Variants in EFCAB7 observed in about 807,000 individuals in gnomAD.
The protein encoded by EFCAB7 is EF-hand calcium-binding domain-containing protein 7.
Under a neutral mutation model 77.1 loss-of-function variants are expected in EFCAB7, and 66 were observed. The ratio of observed to expected loss-of-function variants is 0.86; its 90% CI spans 0.70 to 1.05. EFCAB7 has a LOEUF of 1.05. EFCAB7 is among the 50% of genes least tolerant of loss of function. The pLI is 0.00. For synonymous variants in EFCAB7, 225 were observed against 243.3 expected (o/e 0.92, Z 0.70); for missense variants, 638 against 730.5 (o/e 0.87, Z 1.46).
the EFCAB7 span, among the ~76,000 whole-genome samples, chr1:63,581,668 CT>C: frequency 1.3e-5 from 2 of 152,000 alleles, no homozygotes; most frequent in Non-Finnish European, 2.9e-5. Context: ...CATGGGTCCA[CT>C]TATATGTGGA....
At chr1:63,525,952 A>G (rs1242124324) in intron 2 of EFCAB7, among the ~76,000 whole-genome samples, 193 bp downstream of exon 2, 1 of 152,204 alleles carries the variant, frequency 6.6e-6, no homozygotes, top group Non-Finnish European at 1.5e-5. Flanking sequence ...AAAACTTTCA[A>G]TGTTTATACA....
intron 2 of EFCAB7, chr1:63,527,970 A>G (rs542537863): frequency 1.1e-4 from 17 of 152,292 alleles, no homozygotes; most frequent in Admixed American, 3.3e-4. Context: ...ACCCTCTTAC[A>G]CTGTTGGTAG....
chr1:63,532,851 T>C, intron 4 of EFCAB7, 95 bp downstream of exon 4: 1 of 929,150 alleles, frequency 1.1e-6, no homozygotes, highest in Non-Finnish European at 1.7e-6. Flanking sequence ...GACATTACAG[T>C]GTACATGCAA....
intron 1 of EFCAB7, 52 bp from the exon 2 acceptor site, chr1:63,525,520 G>A: frequency 3.7e-6 from 5 of 1,355,766 alleles, no homozygotes; most frequent in Non-Finnish European, 4.9e-6. Context: ...GGTGACATTT[G>A]TGTTTTAGTG....
At chr1:63,573,291 A>G (rs1025000975), downstream of EFCAB7, among the ~76,000 whole-genome samples, 9 of 152,080 alleles carry the variant, frequency 5.9e-5, no homozygotes, top group Non-Finnish European at 1.3e-4. Context: ...TTTTATGGTA[A>G]GGGGTGATAT....
At chr1:63,561,955 A>G (rs1432851569) in intron 11 of EFCAB7, 98 bp downstream of exon 11, 3 of 861,678 alleles carry the variant, frequency 3.5e-6, no homozygotes, top group Admixed American at 7.9e-5. Context: ...TGGGCACCCA[A>G]ATCTTTGAAC....
chr1:63,526,113 A>G (rs1557667079), intron 2 of EFCAB7, among the ~76,000 whole-genome samples: 1 of 152,248 alleles, frequency 6.6e-6, no homozygotes, highest in Non-Finnish European at 1.5e-5. Context: ...TACTGAGGAA[A>G]GTGTAAAGGA....
intron 2 of EFCAB7, among the ~76,000 whole-genome samples, chr1:63,526,725 T>C (rs191255277): frequency 6.6e-6 from 1 of 152,358 alleles, no homozygotes; most frequent in Admixed American, 6.5e-5. Context: ...TAAGTATTTG[T>C]GTTTAATTCA....
downstream of EFCAB7, among the ~76,000 whole-genome samples, chr1:63,574,810 A>T (rs1178773851): frequency 1.3e-5 from 2 of 152,230 alleles, no homozygotes; most frequent in Admixed American, 6.5e-5. Flanking sequence ...ATTTACAGTC[A>T]GTATAAATAT....
chr1:63,576,973 C>A (rs370415536), downstream of EFCAB7, among the ~76,000 whole-genome samples: 3 of 151,920 alleles, frequency 2.0e-5, no homozygotes, highest in Admixed American at 6.6e-5. Flanking sequence ...ATGGTGAAAC[C>A]CCATCTGTAC....
intron 6 of EFCAB7, among the ~76,000 whole-genome samples, chr1:63,541,837 C>T (rs1646832899): frequency 6.6e-6 from 1 of 152,008 alleles, no homozygotes; most frequent in African/African-American, 2.4e-5. Flanking sequence ...TGCTGGGATT[C>T]CAGGAGTGAG....
At chr1:63,583,327 T>C in the EFCAB7 span, among the ~76,000 whole-genome samples, 2 of 152,158 alleles carry the variant, frequency 1.3e-5, no homozygotes, top group Non-Finnish European at 2.9e-5. Flanking sequence ...AGGGAAAAGA[T>C]AAACACCAGC....
At position 63,561,866 on chromosome 1, in the gene EFCAB7, T is replaced by G; in HGVS notation, c.1497+9T>G. ...CTCTGGAGTTGACAGAGGTAAAGTA[T>G]TCTTAAACTTTTGCCAATGGGTTTA... On this transcript the variant is annotated intron_variant, in intron 11 of 13. Coordinates refer to ENST00000371088, the MANE Select transcript of EFCAB7 (RefSeq NM_032437.4). 6.5e-7 allele frequency: 1 copy of G among 1,549,246 alleles called. No individual in the cohort carries two copies. The highest frequency in any genetic ancestry group is 1.4e-5 in the African/African-American group (1 of 72,532).
chr1:63,584,951 ATGG>A, the EFCAB7 span, among the ~76,000 whole-genome samples: 2 of 152,204 alleles, frequency 1.3e-5, no homozygotes, highest in Non-Finnish European at 2.9e-5. Context: ...ACTGCATAAA[ATGG>A]ATGTTGGTCT....
intron 13 of EFCAB7, 74 bp from the exon 14 acceptor site, chr1:63,572,365 ATGT>A (rs1647286873): frequency 3.1e-5 from 37 of 1,189,280 alleles, no homozygotes; most frequent in Non-Finnish European, 2.9e-5. Flanking sequence ...AGGCCTAGAA[ATGT>A]TGTCCTGTTT....
chr1:63,553,233 T>A (rs1360924607), intron 8 of EFCAB7, among the ~76,000 whole-genome samples: 1 of 152,162 alleles, frequency 6.6e-6, no homozygotes, highest in Non-Finnish European at 1.5e-5. Flanking sequence ...TGGGATAATA[T>A]ATATTAGGAA....
Position 63,525,518 on chromosome 1 carries a change from T to C in EFCAB7, c.-1-54T>C, listed in dbSNP as rs189267421. ...CTGTATTTGAAAGACATGGTGACAT[T>C]TGTGTTTTAGTGACTCACATTGACA... On this transcript the variant is annotated intron_variant, in intron 1 of 13. Transcript: ENST00000371088. 25 of 1,342,058 alleles carry C rather than the reference T, an allele frequency of 1.9e-5. No individual in the cohort carries two copies. The Admixed American group carries it at 2.0e-4, about 11-fold the overall frequency. 83.1% of individuals were successfully genotyped at this position (1,342,058 alleles called of 1,614,324 possible).
rs1257631117 is a variant in EFCAB7 at position 63,561,870 on chromosome 1, T to TA, written c.1497+16dup. ...GGAGTTGACAGAGGTAAAGTATTCT[T>TA]AAACTTTTGCCAATGGGTTTAATGT... On this transcript the variant is annotated intron_variant, in intron 11 of 13. Coordinates refer to ENST00000371088, the MANE Select transcript of EFCAB7 (RefSeq NM_032437.4). 6.5e-7 allele frequency: 1 copy of TA among 1,548,940 alleles called. No individual in the cohort carries two copies. Among genetic ancestry groups the TA allele is most frequent in the East Asian group, 2.3e-5 (1 of 43,044 alleles).
intron 7 of EFCAB7, chr1:63,548,440 TTTG>T (rs1361527654): frequency 6.6e-6 from 1 of 152,312 alleles, no homozygotes; most frequent in Non-Finnish European, 1.5e-5. Context: ...AGTTTTTGTT[TTTG>T]TTGTTGATGC....
Sources: gnomAD v4.1 joint callset for allele counts (sites outside exome capture counted in the v4.1 genomes callset) on GRCh38, gnomAD v4.1.1 for gene constraint, MANE v1.5 for transcripts, NCBI Gene and HGNC (gene_info 2026-07-23, HGNC 2026-07-21) for gene names.